Variants in CNTN5 observed in about 807,000 individuals in gnomAD.
CNTN5 encodes contactin 5, also known as contactin-5.
A neutral mutation model predicts 129.1 loss-of-function variants in CNTN5; 77 were observed. The observed-to-expected ratio is 0.60, with a 90% confidence interval of 0.50 to 0.72. The LOEUF (loss-of-function observed/expected upper bound fraction) is 0.72, where lower values mean the gene tolerates loss of function less well. Ranked by LOEUF, CNTN5 falls within the 30% of genes least tolerant of loss-of-function variation. CNTN5 has a pLI of 0.00. For synonymous variants in CNTN5, 509 were observed against 465.6 expected (o/e 1.09, Z -1.20); for missense variants, 1,478 against 1,328.8 (o/e 1.11, Z -1.75).
Position 100,316,455 on chromosome 11 carries a change from C to T in CNTN5, c.2730+7987C>T, listed in dbSNP as rs542775107. Among the ~76,000 whole-genome samples, 4 of 152,156 alleles carry T rather than the reference C, an allele frequency of 2.6e-5. No individual in the cohort carries two copies. In the South Asian group the frequency reaches 6.2e-4, roughly 24 times the overall value. ...AAATACGTTGGAACAATATAATTCT[C>T]GTGTCTATAATTACCCCAGGATTTC... On this transcript the variant is annotated intron_variant, in intron 21 of 24. Coordinates refer to ENST00000524871, the MANE Select transcript of CNTN5 (RefSeq NM_014361.4).
intron 1 of CNTN5, among the ~76,000 whole-genome samples, chr11:99,165,301 T>A (rs573272424): frequency 2.2e-4 from 34 of 152,314 alleles, no homozygotes; most frequent in African/African-American, 8.2e-4. Context: ...TCACTAAATT[T>A]ACTAAGTAAG....
At chr11:100,277,076 T>C (rs561513490) in intron 18 of CNTN5, among the ~76,000 whole-genome samples, 1 of 152,134 alleles carries the variant, frequency 6.6e-6, no homozygotes, top group Non-Finnish European at 1.5e-5. Context: ...CATGTGATGT[T>C]TGTCTTTCTG....
At chr11:99,859,573 T>A (rs1948144826) in intron 6 of CNTN5, among the ~76,000 whole-genome samples, 1 of 152,198 alleles carries the variant, frequency 6.6e-6, no homozygotes. Context: ...CCATTATTTA[T>A]CTCGTACTTA....
intron 3 of CNTN5, among the ~76,000 whole-genome samples, chr11:99,593,238 T>C (rs1304720504): frequency 3.3e-5 from 5 of 152,176 alleles, no homozygotes; most frequent in Non-Finnish European, 7.4e-5. Flanking sequence ...AGATTTTTGA[T>C]CTTATCTTGT....
intron 3 of CNTN5, among the ~76,000 whole-genome samples, chr11:99,645,040 G>T (rs1319133363): frequency 6.6e-6 from 1 of 151,052 alleles, no homozygotes; most frequent in Non-Finnish European, 1.5e-5. Context: ...GCTGAGGCAG[G>T]TGAATCACAA....
chr11:99,075,349 G>A (rs1865517875), intron 1 of CNTN5, among the ~76,000 whole-genome samples: 1 of 152,100 alleles, frequency 6.6e-6, no homozygotes, highest in Non-Finnish European at 1.5e-5. Context: ...ACCAGAAAGA[G>A]GGATTGGCTC....
At chr11:99,292,354 G>A (rs1039210131) in intron 1 of CNTN5, among the ~76,000 whole-genome samples, 2 of 151,740 alleles carry the variant, frequency 1.3e-5, no homozygotes, top group Non-Finnish European at 2.9e-5. Context: ...TACTAAATCT[G>A]GGGATGTAAA....
At chr11:99,831,184 A>G (rs901008274) in intron 4 of CNTN5, among the ~76,000 whole-genome samples, 2 of 152,176 alleles carry the variant, frequency 1.3e-5, no homozygotes, top group African/African-American at 2.4e-5. Context: ...AGGAACCCAC[A>G]CATTTTTGCT....
rs373960388 is a variant in CNTN5 at position 99,595,084 on chromosome 11, A to G, written c.55+38815A>G. On this transcript the variant is annotated intron_variant, in intron 3 of 24. Transcript: ENST00000524871. Reference sequence around the variant, plus strand: ...GTAGTGGGGAGATGGGGGGACCAGAAGAGGGTGGTCAATGGGTACAAAGTT... The same window carrying G: ...GTAGTGGGGAGATGGGGGGACCAGAGGAGGGTGGTCAATGGGTACAAAGTT... Among the ~76,000 whole-genome samples the G allele has an allele frequency of 4.1e-4, 62 of 152,272 alleles. 2 individuals carry two copies. In the South Asian group the frequency reaches 0.012, roughly 31 times the overall value.
intron 2 of CNTN5, among the ~76,000 whole-genome samples, chr11:99,410,757 G>C (rs941892774): frequency 1.3e-5 from 2 of 152,154 alleles, no homozygotes; most frequent in Non-Finnish European, 2.9e-5. Flanking sequence ...GGTTTTGTGC[G>C]TACATATGGC....
At chr11:99,240,589 C>T (rs1861496789) in intron 1 of CNTN5, among the ~76,000 whole-genome samples, 1 of 150,010 alleles carries the variant, frequency 6.7e-6, no homozygotes. Context: ...TCCGCCTTTA[C>T]CAGCTTATTA....
intron 2 of CNTN5, among the ~76,000 whole-genome samples, chr11:99,358,507 G>C (rs1000090522): frequency 6.6e-6 from 1 of 150,670 alleles, no homozygotes; most frequent in Non-Finnish European, 1.5e-5. Context: ...GTTGCAGCCA[G>C]CCAAGATCGC....
chr11:100,309,668 A>C (rs1420439104), intron 21 of CNTN5: 2 of 984,762 alleles, frequency 2.0e-6, no homozygotes, highest in African/African-American at 3.5e-5. Flanking sequence ...TATTTGGCCC[A>C]TAACTGACCA....
chr11:100,254,911 A>G (rs113554161), intron 16 of CNTN5, among the ~76,000 whole-genome samples: 1,820 of 152,344 alleles, frequency 0.012, 37 homozygotes, highest in African/African-American at 0.042. Context: ...TGTAGCCACT[A>G]AAATATAAAT....
chr11:100,340,394 A>C lies in CNTN5; in HGVS notation c.2731-69A>C, dbSNP rs942550866. The C allele has an allele frequency of 1.5e-5, 18 of 1,201,086 alleles. No individual in the cohort carries two copies. In the African/African-American group the frequency reaches 2.8e-4, roughly 18 times the overall value. The allele number at this position is 1,201,086 out of a possible 1,614,324, so 74.4% of individuals were successfully genotyped here. ...CTCCAGCAACATCCAAAAAAGAGAA[A>C]AAGTTCAAGCAGCCACAAGCACAGA... On this transcript the variant is annotated intron_variant, in intron 21 of 24. Transcript: ENST00000524871.
intron 13 of CNTN5, among the ~76,000 whole-genome samples, chr11:100,170,894 C>CAA (rs113893520): frequency 0.091 from 13,646 of 149,814 alleles, 2,023 homozygotes; most frequent in African/African-American, 0.31. Context: ...GAAACAAAAA[C>CAA]AAAAAAAAAA....
intron 8 of CNTN5, among the ~76,000 whole-genome samples, chr11:99,982,811 T>G (rs2137367553): frequency 6.6e-6 from 1 of 152,200 alleles, no homozygotes; most frequent in Middle Eastern, 3.4e-3. Context: ...CAGTTAATTT[T>G]TTTGTATTTT....
At position 99,503,280 on chromosome 11, in the gene CNTN5, C is replaced by T. The variant is rs1481145855; in HGVS notation, c.-70-52865C>T. On this transcript the variant is annotated intron_variant, in intron 2 of 24. Coordinates refer to ENST00000524871, the MANE Select transcript of CNTN5 (RefSeq NM_014361.4). ...AATGTGAGACAACCCCTCTTTAACC[C>T]TGTCATCCCTTTGGGTTGTCAAAAC... Among the ~76,000 whole-genome samples, 6 of 152,316 alleles carry T rather than the reference C, an allele frequency of 3.9e-5. No homozygotes were observed. In the East Asian group the frequency reaches 1.2e-3, roughly 29 times the overall value.
At position 99,366,409 on chromosome 11, in the gene CNTN5, T is replaced by C. The variant is rs910215736; in HGVS notation, c.-71+40925T>C. Among the ~76,000 whole-genome samples the C allele has an allele frequency of 1.1e-4, 17 of 152,176 alleles. 1 individual carries two copies. Among genetic ancestry groups the C allele is most frequent in the Admixed American group, 3.9e-4 (6 of 15,260 alleles). On this transcript the variant is annotated intron_variant, in intron 2 of 24. Coordinates refer to ENST00000524871, the MANE Select transcript of CNTN5 (RefSeq NM_014361.4). The stretch of plus-strand genomic sequence containing the variant: ...ATAAGTTTACAACTCTCGAAATTGA[T>C]TCTTGTAGTATGAATGTTGGTAATC...
Sources: allele counts gnomAD v4.1 joint callset (sites outside exome capture counted in the v4.1 genomes callset), GRCh38; gene constraint gnomAD v4.1.1; transcripts MANE v1.5; gene names NCBI Gene and HGNC (gene_info 2026-07-23, HGNC 2026-07-21).